The following VPS54 variants were observed in gnomAD, a reference collection of about 807,000 sequenced individuals.
VPS54 encodes the protein VPS54 subunit of GARP complex, also known as vacuolar protein sorting-associated protein 54.
Under a neutral mutation model 121.5 loss-of-function variants are expected in VPS54, and 45 were observed. The observed-to-expected ratio is 0.37, with a 90% CI of 0.29 to 0.47. VPS54 has a LOEUF of 0.47. VPS54 is among the 20% of genes least tolerant of loss of function. The pLI is 0.99. For synonymous variants in VPS54, 371 were observed against 385.8 expected, an observed-to-expected ratio of 0.96 and a Z score of 0.45; for missense variants, 1,090 against 1,131.4, an observed-to-expected ratio of 0.96 and a Z score of 0.52.
intron 1 of VPS54, among the ~76,000 whole-genome samples, chr2:63,998,252 T>C (rs1677698040): frequency 6.6e-6 from 1 of 152,186 alleles, no homozygotes; most frequent in African/African-American, 2.4e-5. Flanking sequence ...GTCTGATAAC[T>C]ACTAGAGAAT....
In VPS54 at chr2:64,019,241, T is replaced by G. The variant is rs1277220512; in HGVS notation, c.-324A>C. ...GGGTCCGCAGCGCCGCCTCCGCCGC[T>G]GCTGCCACCGCCTCTCCCACATCCC... On this transcript the variant is annotated 5_prime_UTR_variant, in exon 1 of 23. Coordinates refer to ENST00000272322, the MANE Select transcript of VPS54 (RefSeq NM_016516.3). Among the ~76,000 whole-genome samples, 5 of 150,170 alleles carry G rather than the reference T, an allele frequency of 3.3e-5. No individual in the cohort carries two copies. The highest frequency in any genetic ancestry group is 1.2e-4 in the African/African-American group (5 of 41,254).
At chr2:63,971,293 C>T (rs1240868613) in intron 4 of VPS54, among the ~76,000 whole-genome samples, 1 of 152,184 alleles carries the variant, frequency 6.6e-6, no homozygotes, top group African/African-American at 2.4e-5. Context: ...AATCATCATC[C>T]CATAATTCAC....
chr2:63,957,421 A>G (rs1036055847), intron 7 of VPS54, among the ~76,000 whole-genome samples: 24 of 148,892 alleles, frequency 1.6e-4, no homozygotes, highest in Non-Finnish European at 3.0e-4. Flanking sequence ...CAGCCTGGGC[A>G]ACAGAGCAAG....
rs1438079164 is a variant in VPS54, at chr2:63,893,421, A to C, written c.*9T>G. 52 of 1,610,318 alleles carry C rather than the reference A, an allele frequency of 3.2e-5. 1 individual carries two copies. The highest frequency in any genetic ancestry group is 4.4e-5 in the Non-Finnish European group (52 of 1,176,556). On this transcript the variant is annotated 3_prime_UTR_variant, in exon 23 of 23. Coordinates refer to ENST00000272322, the MANE Select transcript of VPS54 (RefSeq NM_016516.3). ...GGTCAGATGAACTACCCAGTTTTCCAGGATGACATCACCTCTTCTGCTCCC... is the reference window on the plus strand; with the variant it reads ...GGTCAGATGAACTACCCAGTTTTCCCGGATGACATCACCTCTTCTGCTCCC...
chr2:64,016,944 T>C (rs1308692560), intron 1 of VPS54, among the ~76,000 whole-genome samples: 1 of 150,406 alleles, frequency 6.6e-6, no homozygotes, highest in Admixed American at 6.6e-5. Flanking sequence ...TTTTATGGTA[T>C]GTTAATTTTA....
At chr2:63,924,962 G>C (rs1346407173) in intron 12 of VPS54, among the ~76,000 whole-genome samples, 1 of 152,146 alleles carries the variant, frequency 6.6e-6, no homozygotes, top group South Asian at 2.1e-4. Flanking sequence ...AAAGTTTCTA[G>C]ACAGTAACCA....
At chr2:64,000,160 G>A (rs920997736) in intron 1 of VPS54, among the ~76,000 whole-genome samples, 2 of 152,008 alleles carry the variant, frequency 1.3e-5, no homozygotes, top group Non-Finnish European at 2.9e-5. Flanking sequence ...ACACCCGGCC[G>A]ATCAACTGCT....
At chr2:63,941,723 T>C (rs182822772) in intron 11 of VPS54, among the ~76,000 whole-genome samples, 7 of 151,876 alleles carry the variant, frequency 4.6e-5, no homozygotes, top group Non-Finnish European at 7.4e-5. Flanking sequence ...GCCCAAAAAG[T>C]GAATAAAAAT....
chr2:63,931,009 A>AAG lies in VPS54; in HGVS notation c.1739+2662_1739+2663dup, dbSNP rs943637772. Reference sequence around the variant, plus strand: ...ACTACAAACCACTGCTCAAGGAAATAAGAGAGGACACAAACAAATGGAAAA... The same window carrying AAG: ...ACTACAAACCACTGCTCAAGGAAATAAGAGAGAGGACACAAACAAATGGAAAA... On this transcript the variant is annotated intron_variant, in intron 12 of 22. Transcript: ENST00000272322. 1.5e-4 allele frequency among the ~76,000 whole-genome samples: 23 copies of AAG among 152,304 alleles called. 1 individual carries two copies. Among genetic ancestry groups the AAG allele is most frequent in the African/African-American group, 5.5e-4 (23 of 41,562 alleles).
chr2:63,970,915 T>C (rs1676256272), intron 4 of VPS54, among the ~76,000 whole-genome samples: 2 of 152,170 alleles, frequency 1.3e-5, no homozygotes, highest in Non-Finnish European at 2.9e-5. Flanking sequence ...TCTATGATGA[T>C]GTCTACCATA....
chr2:63,945,970 T>A (rs1674959854), intron 9 of VPS54, among the ~76,000 whole-genome samples: 1 of 152,100 alleles, frequency 6.6e-6, no homozygotes, highest in African/African-American at 2.4e-5. Context: ...ACAAATGGAG[T>A]ACATCTGTGT....
At chr2:63,915,610 C>G (rs189083614) in intron 16 of VPS54, among the ~76,000 whole-genome samples, 30 of 152,270 alleles carry the variant, frequency 2.0e-4, no homozygotes, top group Admixed American at 1.4e-3. Context: ...CAGAGGGGAC[C>G]ATATCCATCA....
At position 63,949,123 on chromosome 2, in the gene VPS54, C is replaced by T. The variant is rs1424282871; in HGVS notation, c.1051G>A (p.Asp351Asn). ...GAAAATTCTGCAATCATCATTTTAT[C>T]TATCAGTTTTTCTAATTCACAAAGC... ...SQLCELEKLI[D>N]KMMIAEFSTY... The change falls in exon 8 of 23, where the codon GAT (aspartate) becomes AAT (asparagine). Residue 351 changes from aspartate to asparagine, a missense_variant. Transcript: ENST00000272322. The T allele has an allele frequency of 6.2e-7, 1 of 1,611,422 alleles. No homozygotes were observed. Among genetic ancestry groups the T allele is most frequent in the Non-Finnish European group, 8.5e-7 (1 of 1,179,312 alleles).
At chr2:63,927,126 C>T (rs989398154) in intron 12 of VPS54, among the ~76,000 whole-genome samples, 5 of 152,206 alleles carry the variant, frequency 3.3e-5, no homozygotes, top group African/African-American at 9.6e-5. Context: ...CTTAAACATC[C>T]CTGCCTGAGA....
intron 22 of VPS54, among the ~76,000 whole-genome samples, chr2:63,894,656 T>TCA (rs1672365973): frequency 6.7e-6 from 1 of 150,202 alleles, no homozygotes; most frequent in Non-Finnish European, 1.5e-5. Context: ...TGAGCCATGA[T>TCA]CACACCACTG....
chr2:63,959,344 TTTTC>T (rs1420461887), intron 7 of VPS54, among the ~76,000 whole-genome samples: 4 of 152,222 alleles, frequency 2.6e-5, no homozygotes, highest in African/African-American at 9.6e-5. Context: ...TATAAAAACA[TTTTC>T]TTTTAGAGTA....
intron 11 of VPS54, among the ~76,000 whole-genome samples, chr2:63,936,650 T>C (rs1674467096): frequency 1.3e-5 from 2 of 152,190 alleles, no homozygotes; most frequent in Non-Finnish European, 2.9e-5. Context: ...TTCTTACCTA[T>C]AAAAATTAGC....
At chr2:63,913,532 T>TAA (rs1673244936) in intron 17 of VPS54, among the ~76,000 whole-genome samples, 1 of 152,164 alleles carries the variant, frequency 6.6e-6, no homozygotes, top group Non-Finnish European at 1.5e-5. Context: ...TGAAAAATTC[T>TAA]AAAAATCAGT....
At chr2:63,978,751 C>G (rs893735475) in intron 3 of VPS54, among the ~76,000 whole-genome samples, 4 of 152,164 alleles carry the variant, frequency 2.6e-5, no homozygotes, top group African/African-American at 9.6e-5. Flanking sequence ...TCCTGAGTAG[C>G]TGGGACTACA....
Sources: allele counts gnomAD v4.1 joint callset (sites outside exome capture counted in the v4.1 genomes callset), GRCh38; gene constraint gnomAD v4.1.1; transcripts MANE v1.5; gene names NCBI Gene and HGNC (gene_info 2026-07-23, HGNC 2026-07-21).